Variants in DYNLT3 observed in about 807,000 individuals in gnomAD.
DYNLT3 encodes protein 91/23.
A neutral mutation model predicts 11.0 loss-of-function variants in DYNLT3; 4 were observed. The ratio of observed to expected loss-of-function variants is 0.36; its 90% CI spans 0.18 to 0.83. The LOEUF (loss-of-function observed/expected upper bound fraction) is 0.83, where lower values mean the gene tolerates loss of function less well. Among genes scored for constraint, DYNLT3 ranks in the 40% least tolerant of loss-of-function variants. DYNLT3 has a pLI of 0.47. For missense variants in DYNLT3, 91 were observed against 91.1 expected (o/e 1.00, Z 0.01); for synonymous variants, 37 against 31.2 (o/e 1.18, Z -0.61).
At chrX:37,841,212 C>T in intron 3 of DYNLT3, 107 bp from the exon 4 acceptor site, 1 of 547,561 alleles carries the variant, frequency 1.8e-6, no homozygotes, top group Non-Finnish European at 2.8e-6. Context: ...AGACAAAAAA[C>T]AAACAAACAA....
In DYNLT3 at chrX:37,839,259, G is replaced by A. The variant is rs1930097623; in HGVS notation, c.*1316C>T. 1 of 111,948 alleles carries A rather than the reference G, an allele frequency of 8.9e-6. No individual in the cohort carries two copies. Among genetic ancestry groups the A allele is most frequent in the Non-Finnish European group, 1.9e-5 (1 of 53,084 alleles). 9.2% of individuals were successfully genotyped at this position (111,948 alleles called of 1,213,427 possible). ...ATGGTTCCGCTCTCTATATGTATTA[G>A]TGTTAGTGGTAATATGCAAAACTGA... is the stretch of plus-strand genomic sequence containing the variant. On this transcript the variant is annotated 3_prime_UTR_variant, in exon 5 of 5. Transcript: ENST00000378578.
At position 37,841,834 on chromosome X, in the gene DYNLT3, C is replaced by T; in HGVS notation, c.144G>A (p.Val48=). The change falls in exon 3 of 5, where the codon GTG becomes GTA. Residue 48 remains valine, a synonymous_variant. Transcript: ENST00000378578. ...TAACCAGGTGTGTTAAGGATTGTTC[C>T]ACTATGCTTGCAGTCCACTGGTTGA... ...NNINQWTASI[V]EQSLTHLVKL... 7 of 1,179,638 alleles carry T rather than the reference C, an allele frequency of 5.9e-6. No homozygotes were observed. The highest frequency in any genetic ancestry group is 8.0e-6 in the Non-Finnish European group (7 of 873,400).
intron 3 of DYNLT3, 108 bp downstream of exon 3, chrX:37,841,674 T>C: frequency 1.2e-6 from 1 of 851,138 alleles, no homozygotes; most frequent in Non-Finnish European, 1.5e-6. Flanking sequence ...CTTTATACCC[T>C]TTTAGTATCC....
At chrX:37,843,027 G>A (rs1329235708) in intron 2 of DYNLT3, among the ~76,000 whole-genome samples, 1 of 111,763 alleles carries the variant, frequency 8.9e-6, no homozygotes, top group Non-Finnish European at 1.9e-5. Flanking sequence ...TTAGACCACA[G>A]TAAAGATTTA....
At chrX:37,841,640 C>G in intron 3 of DYNLT3, 142 bp downstream of exon 3, 1 of 617,589 alleles carries the variant, frequency 1.6e-6, no homozygotes, top group South Asian at 7.8e-5. Context: ...TATAGATTAT[C>G]TTTGAATGAG....
At chrX:37,842,710 G>C (rs543322476) in intron 2 of DYNLT3, among the ~76,000 whole-genome samples, 1 of 111,588 alleles carries the variant, frequency 9.0e-6, no homozygotes, top group African/African-American at 3.3e-5. Context: ...AATCCTTATA[G>C]TAAGGATAAC....
rs926657209 is a variant in DYNLT3 at position 37,839,779 on chromosome X, G to T, written c.*796C>A. 2 of 112,337 alleles carry T rather than the reference G, an allele frequency of 1.8e-5. No individual in the cohort carries two copies. Among genetic ancestry groups the T allele is most frequent in the Non-Finnish European group, 3.8e-5 (2 of 53,191 alleles). 9.3% of individuals were successfully genotyped at this position (112,337 alleles called of 1,213,427 possible). Reference sequence around the variant, plus strand: ...AATTGCTAAAAGGAACTTAGCATTTGCACAGCACATTGACAACTATGGTGC... The same window carrying T: ...AATTGCTAAAAGGAACTTAGCATTTTCACAGCACATTGACAACTATGGTGC... On this transcript the variant is annotated 3_prime_UTR_variant, in exon 5 of 5. Transcript: ENST00000378578.
Position 37,840,302 on chromosome X carries a change from A to G in DYNLT3, c.*273T>C, listed in dbSNP as rs945295324. On this transcript the variant is annotated 3_prime_UTR_variant, in exon 5 of 5. Coordinates refer to ENST00000378578, the MANE Select transcript of DYNLT3 (RefSeq NM_006520.3). ...AAATATTAGTGAAAAGCTGGTGTAAATATAAGATTGTATTTTCATGTCATG... is the reference window on the plus strand; with the variant it reads ...AAATATTAGTGAAAAGCTGGTGTAAGTATAAGATTGTATTTTCATGTCATG... 1.2e-5 allele frequency: 2 copies of G among 164,967 alleles called. No individual in the cohort carries two copies. The highest frequency in any genetic ancestry group is 2.3e-5 in the Non-Finnish European group (2 of 86,664). 13.6% of individuals were successfully genotyped at this position (164,967 alleles called of 1,213,427 possible). A position where few individuals can be genotyped will look rare whatever the true frequency, so the allele number is the denominator to read the frequency against.
At chrX:37,846,270 C>T (rs1353934858) in intron 2 of DYNLT3, 47 bp downstream of exon 2, 9 of 1,160,096 alleles carry the variant, frequency 7.8e-6, no homozygotes, top group Non-Finnish European at 1.0e-5. Flanking sequence ...TTTTAAAAAT[C>T]TCCACCAGTG....
intron 2 of DYNLT3, among the ~76,000 whole-genome samples, chrX:37,846,040 G>A (rs1054525359): frequency 9.0e-6 from 1 of 111,344 alleles, no homozygotes; most frequent in African/African-American, 3.3e-5. Context: ...GTGTGGTGGC[G>A]GGCGCCTGTA....
intron 4 of DYNLT3, 84 bp downstream of exon 4, chrX:37,840,944 G>C: frequency 1.0e-6 from 1 of 971,417 alleles, no homozygotes. Flanking sequence ...AATTTAATCA[G>C]AATTAAATAA....
chrX:37,845,451 G>A (rs1374607901), intron 2 of DYNLT3, among the ~76,000 whole-genome samples: 5 of 112,034 alleles, frequency 4.5e-5, no homozygotes, highest in African/African-American at 1.6e-4. Context: ...TTGCCTAAAA[G>A]GAGTTTCAAA....
chrX:37,846,412 C>T (rs761103838), intron 1 of DYNLT3, 54 bp from the exon 2 acceptor site: 14 of 1,129,555 alleles, frequency 1.2e-5, no homozygotes, highest in African/African-American at 5.4e-5. Flanking sequence ...ACAAGTATGA[C>T]GCTACACAGA....
Position 37,839,459 on chromosome X carries a change from A to G in DYNLT3, c.*1116T>C, listed in dbSNP as rs1456565866. The G allele has an allele frequency of 8.9e-6, 1 of 112,470 alleles. No homozygotes were observed. The highest frequency in any genetic ancestry group is 1.9e-5 in the Non-Finnish European group (1 of 53,214). The allele number at this position is 112,470 out of a possible 1,213,427, so 9.3% of individuals were successfully genotyped here. A position where few individuals can be genotyped will look rare whatever the true frequency, so the allele number is the denominator to read the frequency against. On this transcript the variant is annotated 3_prime_UTR_variant, in exon 5 of 5. Transcript: ENST00000378578. ...TTATTCCACTCAATTTGAACCCCAC[A>G]TAATAAGTCTTTTAAGTTATTTACA...
chrX:37,847,140 G>A, intron 1 of DYNLT3: 1 of 1,144,742 alleles, frequency 8.7e-7, no homozygotes, highest in Non-Finnish European at 1.2e-6. Flanking sequence ...AGGCAGCAGC[G>A]GGAAGACCCG....
chrX:37,845,549 G>C lies in DYNLT3; in HGVS notation c.72+768C>G, dbSNP rs372634020. ...TTTTCCAATTATATTGGGCAAAAAA[G>C]TGTACATGCCCAAAGGCAGATATTT... On this transcript the variant is annotated intron_variant, in intron 2 of 4. Transcript: ENST00000378578. 6.0e-4 allele frequency among the ~76,000 whole-genome samples: 67 copies of C among 112,518 alleles called. No homozygotes were observed. The South Asian group carries it at 0.01, about 18-fold the overall frequency.
chrX:37,842,751 G>A (rs1353774736), intron 2 of DYNLT3, among the ~76,000 whole-genome samples: 3 of 111,907 alleles, frequency 2.7e-5, no homozygotes, highest in Admixed American at 1.9e-4. Flanking sequence ...TTGTTAGGAT[G>A]AAATGAGACA....
rs753107796 is a variant in DYNLT3 at position 37,839,199 on chromosome X, C to A, written c.*1376G>T. On this transcript the variant is annotated 3_prime_UTR_variant, in exon 5 of 5. Coordinates refer to ENST00000378578, the MANE Select transcript of DYNLT3 (RefSeq NM_006520.3). ...ATTGCCTTAATATTGTCAATATTAA[C>A]GCTAAGCTTATTCCTCTCCAAAATT... 8.9e-6 allele frequency: 1 copy of A among 111,845 alleles called. No homozygotes were observed. The highest frequency in any genetic ancestry group is 3.3e-5 in the African/African-American group (1 of 30,717). The allele number at this position is 111,845 out of a possible 1,213,427, so 9.2% of individuals were successfully genotyped here.
chrX:37,847,307 G>A, intron 1 of DYNLT3, 174 bp downstream of exon 1: 1 of 887,643 alleles, frequency 1.1e-6, no homozygotes, highest in Non-Finnish European at 1.5e-6. Context: ...GGACTTTGGG[G>A]TGGGGAGAAC....
Sources: gnomAD v4.1 joint callset for allele counts (sites outside exome capture counted in the v4.1 genomes callset) on GRCh38, gnomAD v4.1.1 for gene constraint, MANE v1.5 for transcripts, NCBI Gene and HGNC (gene_info 2026-07-23, HGNC 2026-07-21) for gene names.